Variants in AGBL1 observed in about 807,000 individuals in gnomAD.
AGBL1 encodes the protein cytosolic carboxypeptidase 4.
In AGBL1, 130 loss-of-function variants were observed where a neutral mutation model predicts 118.9. The ratio of observed to expected loss-of-function variants is 1.09; its 90% confidence interval spans 0.95 to 1.26. The LOEUF (loss-of-function observed/expected upper bound fraction) is 1.26, where lower values mean the gene tolerates loss of function less well. Ranked by LOEUF, AGBL1 falls within the 50% of genes most tolerant of loss-of-function variation. The pLI is 0.00. For missense variants in AGBL1, 1,584 were observed against 1,298.1 expected, an observed-to-expected ratio of 1.22 and a Z score of -3.38; for synonymous variants, 555 against 478.9, an observed-to-expected ratio of 1.16 and a Z score of -2.08.
At chr15:86,097,018 C>T (rs970096441) in intron 1 of AGBL1, among the ~76,000 whole-genome samples, 1 of 152,130 alleles carries the variant, frequency 6.6e-6, no homozygotes, top group African/African-American at 2.4e-5. Context: ...ATATCAGACC[C>T]TGTACTGAGA....
intron 18 of AGBL1, among the ~76,000 whole-genome samples, chr15:86,462,665 A>C (rs1567004865): frequency 6.6e-6 from 1 of 151,954 alleles, no homozygotes; most frequent in Non-Finnish European, 1.5e-5. Context: ...ACTCCTACTT[A>C]TCAGTGAGAA....
At chr15:86,992,520 C>T (rs2081344631) in intron 24 of AGBL1, among the ~76,000 whole-genome samples, 1 of 151,952 alleles carries the variant, frequency 6.6e-6, no homozygotes, top group African/African-American at 2.4e-5. Flanking sequence ...TCTCAGTGAC[C>T]AGCTATTTGC....
At chr15:86,803,543 G>C (rs763238441) in intron 22 of AGBL1, among the ~76,000 whole-genome samples, 5 of 152,056 alleles carry the variant, frequency 3.3e-5, no homozygotes, top group African/African-American at 7.2e-5. Flanking sequence ...TTTCAGAAAC[G>C]GTAAGAGTCA....
At chr15:86,686,754 A>G (rs774179852) in intron 22 of AGBL1, among the ~76,000 whole-genome samples, 7 of 152,128 alleles carry the variant, frequency 4.6e-5, no homozygotes, top group Admixed American at 2.0e-4. Context: ...TTTTATTCAT[A>G]TGAATTTTTA....
chr15:86,539,586 A>T (rs902917216), intron 19 of AGBL1, among the ~76,000 whole-genome samples: 1 of 152,210 alleles, frequency 6.6e-6, no homozygotes. Flanking sequence ...TAACGATCTG[A>T]CCACTGCCCA....
At chr15:86,102,325 G>A (rs1414427428) in intron 1 of AGBL1, among the ~76,000 whole-genome samples, 2 of 152,168 alleles carry the variant, frequency 1.3e-5, no homozygotes, top group Non-Finnish European at 2.9e-5. Flanking sequence ...ACAGGCATGA[G>A]TCACCGTACC....
chr15:86,631,584 C>T (rs74875287), intron 21 of AGBL1, among the ~76,000 whole-genome samples: 17,500 of 152,132 alleles, frequency 0.12, 1,148 homozygotes, highest in East Asian at 0.15. Context: ...CTGCTGGCAT[C>T]TTTTATTTAT....
At chr15:86,501,088 A>AAATTTG (rs1309755036) in intron 18 of AGBL1, among the ~76,000 whole-genome samples, 1,667 of 151,806 alleles carry the variant, frequency 0.011, 20 homozygotes, top group African/African-American at 0.037. Context: ...AGGAACTACA[A>AAATTTG]ACCTACTTCA....
intron 18 of AGBL1, among the ~76,000 whole-genome samples, chr15:86,455,861 A>G (rs1038885153): frequency 2.0e-5 from 3 of 152,118 alleles, no homozygotes; most frequent in African/African-American, 7.2e-5. Context: ...TTTGAATCCA[A>G]ATAGTTTTTA....
intron 17 of AGBL1, among the ~76,000 whole-genome samples, chr15:86,326,624 C>T (rs1378890206): frequency 6.6e-6 from 1 of 151,972 alleles, no homozygotes; most frequent in Non-Finnish European, 1.5e-5. Flanking sequence ...GGGAAAGAGA[C>T]CATTTGAGCA....
chr15:87,006,809 C>T (rs2081509629), intron 24 of AGBL1, among the ~76,000 whole-genome samples: 1 of 152,154 alleles, frequency 6.6e-6, no homozygotes, highest in Admixed American at 6.5e-5. Context: ...GCTATTCAGC[C>T]ATCTTGGAAC....
At chr15:86,374,213 T>C (rs1433980031) in intron 17 of AGBL1, among the ~76,000 whole-genome samples, 1 of 152,206 alleles carries the variant, frequency 6.6e-6, no homozygotes, top group Non-Finnish European at 1.5e-5. Flanking sequence ...AGCATGTAAA[T>C]ACTTAATGGT....
intron 22 of AGBL1, among the ~76,000 whole-genome samples, chr15:86,768,466 GTCTCTTAT>G (rs796807663): frequency 1.0e-3 from 153 of 152,008 alleles, no homozygotes; most frequent in African/African-American, 3.5e-3. Flanking sequence ...AGCTACACTG[GTCTCTTAT>G]TTTAAATTCT....
intron 22 of AGBL1, among the ~76,000 whole-genome samples, chr15:86,709,852 T>C (rs2086522587): frequency 6.6e-6 from 1 of 152,300 alleles, no homozygotes; most frequent in Non-Finnish European, 1.5e-5. Context: ...GTCTGGCCCA[T>C]AGTAAATGCT....
chr15:86,769,499 C>G (rs769210230), intron 22 of AGBL1, among the ~76,000 whole-genome samples: 2 of 151,914 alleles, frequency 1.3e-5, no homozygotes, highest in Non-Finnish European at 2.9e-5. Flanking sequence ...TGACTAAGGA[C>G]TCTGAGTTGT....
At chr15:86,348,780 GAAAAAA>G (rs60441568) in intron 17 of AGBL1, among the ~76,000 whole-genome samples, 1 of 127,916 alleles carries the variant, frequency 7.8e-6, no homozygotes, top group Non-Finnish European at 1.7e-5. Context: ...TGTCTCAAAA[GAAAAAA>G]AAAAAAAAAA....
At chr15:86,579,906 T>C (rs967389870) in intron 21 of AGBL1, among the ~76,000 whole-genome samples, 4 of 152,180 alleles carry the variant, frequency 2.6e-5, no homozygotes, top group South Asian at 4.1e-4. Context: ...CCCAGGTTTC[T>C]GGACTGTATT....
At chr15:86,840,605 C>T (rs2079231389) in intron 22 of AGBL1, among the ~76,000 whole-genome samples, 2 of 152,024 alleles carry the variant, frequency 1.3e-5, no homozygotes, top group Admixed American at 1.3e-4. Context: ...ACTACCATGC[C>T]AAGCTAATTT....
chr15:86,610,577 A>G (rs1248227890), intron 21 of AGBL1, among the ~76,000 whole-genome samples: 1 of 152,178 alleles, frequency 6.6e-6, no homozygotes, highest in African/African-American at 2.4e-5. Flanking sequence ...CTAACTAGAT[A>G]ATACAGTTTA....
Sources: allele counts gnomAD v4.1 joint callset (sites outside exome capture counted in the v4.1 genomes callset), GRCh38; gene constraint gnomAD v4.1.1; transcripts MANE v1.5; gene names NCBI Gene and HGNC (gene_info 2026-07-23, HGNC 2026-07-21).